The following VTCN1 variants were observed in gnomAD, a reference collection of about 807,000 sequenced individuals.
The protein encoded by VTCN1 is V-set domain containing T cell activation inhibitor 1, also known as V-set domain-containing T-cell activation inhibitor 1.
VTCN1 carries 26 observed loss-of-function variants against 26.5 expected under a neutral mutation model. The ratio of observed to expected loss-of-function variants is 0.98; its 90% CI spans 0.72 to 1.36. VTCN1 has a LOEUF of 1.36. VTCN1 is among the 40% of genes most tolerant of loss of function. The probability of loss-of-function intolerance (pLI) is 0.00; values close to 1 mark genes in which losing one functional copy is unlikely to be tolerated. For synonymous variants in VTCN1, 116 were observed against 130.7 expected, an observed-to-expected ratio of 0.89 and a Z score of 0.77; for missense variants, 298 against 337.7, an observed-to-expected ratio of 0.88 and a Z score of 0.92.
chr1:117,150,198 C>T (rs1483144144), intron 4 of VTCN1, among the ~76,000 whole-genome samples: 2 of 152,104 alleles, frequency 1.3e-5, no homozygotes, highest in Admixed American at 1.3e-4. Context: ...GGCAGCTGAC[C>T]CAAGTGGAGT....
intron 3 of VTCN1, 60 bp from the exon 4 acceptor site, chr1:117,153,429 C>A: frequency 1.3e-6 from 2 of 1,521,602 alleles, no homozygotes. Context: ...GACAATATAG[C>A]CTTTGAAGCG....
rs912601236 is a variant in VTCN1, at chr1:117,155,557, T to C, written c.445+1017A>G. ...TGCTTAAATTGTTCCAGCTTTGCCA[T>C]TGGAAGCTCTTTCAGTTGGCTCCAG... is the stretch of plus-strand genomic sequence containing the variant. On this transcript the variant is annotated intron_variant, in intron 3 of 5. Transcript: ENST00000369458. The surrounding 1 kb of genome is among the most constrained non-coding windows in gnomAD (Gnocchi z 4.8). Among the ~76,000 whole-genome samples the C allele has an allele frequency of 4.6e-5, 7 of 152,230 alleles. No individual in the cohort carries two copies. Among genetic ancestry groups the C allele is most frequent in the African/African-American group, 1.7e-4 (7 of 41,462 alleles).
chr1:117,196,594 C>CTT (rs1390119070), intron 1 of VTCN1, among the ~76,000 whole-genome samples: 1 of 144,378 alleles, frequency 6.9e-6, no homozygotes, highest in Non-Finnish European at 1.5e-5. Context: ...AAAACTCTGC[C>CTT]TTTTTTTTTT....
intron 1 of VTCN1, among the ~76,000 whole-genome samples, chr1:117,186,566 A>G (rs772522320): frequency 5.9e-5 from 9 of 152,338 alleles, no homozygotes; most frequent in Admixed American, 1.3e-4. Context: ...AAGTGAAATG[A>G]ACTAGTTATT....
intron 3 of VTCN1, 86 bp from the exon 4 acceptor site, chr1:117,153,455 G>T: frequency 1.5e-6 from 2 of 1,357,498 alleles, no homozygotes; most frequent in South Asian, 1.6e-5. Flanking sequence ...CCTTAAAAAT[G>T]CAGTCATTTT....
rs1293307111 is a variant in VTCN1 at position 117,153,197 on chromosome 1, C to A, written c.618G>T (p.Val206=). Residue 206 remains valine, a synonymous_variant, in exon 4 of 6, where the codon GTG becomes GTT. Coordinates refer to ENST00000369458, the MANE Select transcript of VTCN1 (RefSeq NM_024626.4). ...NTSFELNSEN[V]TMKVVSVLYN... Reference sequence around the variant, plus strand: ...AGAGCACAGACACAACCTTCATGGTCACATTCTCAGAGTTCAGCTCAAAGC... The same window carrying A: ...AGAGCACAGACACAACCTTCATGGTAACATTCTCAGAGTTCAGCTCAAAGC... 2 of 1,614,108 alleles carry A rather than the reference C, an allele frequency of 1.2e-6. No homozygotes were observed. The highest frequency in any genetic ancestry group is 1.7e-5 in the Admixed American group (1 of 60,016).
chr1:117,170,118 A>G lies in VTCN1; in HGVS notation c.86T>C (p.Phe29Ser). 6.2e-7 allele frequency: 1 copy of G among 1,613,856 alleles called. No homozygotes were observed. Among genetic ancestry groups the G allele is most frequent in the Middle Eastern group, 1.6e-4 (1 of 6,062 alleles). The change falls in exon 2 of 6, where the codon TTT becomes TCT. Residue 29 changes from phenylalanine to serine, a missense_variant. Transcript: ENST00000369458. ...LAGAIALIIGFGISGRHSITV... is the reference protein window; with the variant it reads ...LAGAIALIIGSGISGRHSITV... Reference sequence around the variant, plus strand: ...AAGAAATCACATACCTGAAATACCAAAGCCAATGATGAGTGCAATTGCTCC... The same window carrying G: ...AAGAAATCACATACCTGAAATACCAGAGCCAATGATGAGTGCAATTGCTCC...
In VTCN1 at chr1:117,147,063, C is replaced by T. The variant is rs79885980; in HGVS notation, c.*45+550G>A. On this transcript the variant is annotated intron_variant, in intron 5 of 5. Transcript: ENST00000369458. The surrounding 1 kb of genome is among the most constrained non-coding windows in gnomAD (Gnocchi z 4.6). ...ATGCCACTGAGTAATATGGGAGTAT[C>T]GACTGGAACTTCATGATCTCAGCTT... 0.055 allele frequency among the ~76,000 whole-genome samples: 8,290 copies of T among 152,104 alleles called. 274 individuals carry two copies. The highest frequency in any genetic ancestry group is 0.079 in the South Asian group (380 of 4,806).
intron 1 of VTCN1, among the ~76,000 whole-genome samples, chr1:117,182,879 C>A (rs1387141416): frequency 2.0e-5 from 3 of 152,128 alleles, no homozygotes; most frequent in Non-Finnish European, 4.4e-5. Context: ...TGTACCTACC[C>A]CACCTTTGGT....
At chr1:117,168,155 C>T (rs1652711717) in intron 2 of VTCN1, among the ~76,000 whole-genome samples, 1 of 151,722 alleles carries the variant, frequency 6.6e-6, no homozygotes, top group African/African-American at 2.4e-5. Flanking sequence ...ATTTCAGAAA[C>T]TTGGTTGAGA....
At chr1:117,202,983 A>G (rs1648862487) in intron 1 of VTCN1, among the ~76,000 whole-genome samples, 1 of 152,102 alleles carries the variant, frequency 6.6e-6, no homozygotes, top group Admixed American at 6.5e-5. Flanking sequence ...TGATGGGGAT[A>G]ATAGAGGTGC....
At chr1:117,198,768 C>T (rs934901939) in intron 1 of VTCN1, among the ~76,000 whole-genome samples, 1 of 152,184 alleles carries the variant, frequency 6.6e-6, no homozygotes. Flanking sequence ...TATTTAATAC[C>T]TGTCATTTGA....
chr1:117,205,037 C>T (rs535103500), intron 1 of VTCN1, among the ~76,000 whole-genome samples: 29 of 147,434 alleles, frequency 2.0e-4, no homozygotes, highest in African/African-American at 5.9e-4. Flanking sequence ...TATATATATA[C>T]GTGTCCTGTA....
intron 1 of VTCN1, among the ~76,000 whole-genome samples, chr1:117,174,325 T>A (rs536502244): frequency 6.6e-6 from 1 of 152,266 alleles, no homozygotes; most frequent in African/African-American, 2.4e-5. Flanking sequence ...ACTTACTATG[T>A]GAAAGACATA....
rs560690957 is a variant in VTCN1 at position 117,202,234 on chromosome 1, A to G, written c.32+8590T>C. Among the ~76,000 whole-genome samples the G allele has an allele frequency of 1.6e-4, 25 of 152,324 alleles. No homozygotes were observed. The South Asian group carries it at 5.0e-3, about 30-fold the overall frequency. ...ATCATCAAATATAGGAAATGGATGA[A>G]AGGGTTATGTCCTTGTACCTGACTA... On this transcript the variant is annotated intron_variant, in intron 1 of 5. Transcript: ENST00000369458.
Position 117,169,423 on chromosome 1 carries a change from G to A in VTCN1, c.97+684C>T, listed in dbSNP as rs6689385. ...TCTTTAACACTTCAGCTGAAGCTTC[G>A]TTGCAAAGAAATCATCTACCCAGGC... is the stretch of plus-strand genomic sequence containing the variant. On this transcript the variant is annotated intron_variant, in intron 2 of 5. Coordinates refer to ENST00000369458, the MANE Select transcript of VTCN1 (RefSeq NM_024626.4). This position sits in a 1 kb window ranked among gnomAD's most constrained non-coding sequence, Gnocchi z 4.0. Among the ~76,000 whole-genome samples, 8,486 of 152,226 alleles carry A rather than the reference G, an allele frequency of 0.056. 769 individuals are homozygous for A. Among genetic ancestry groups the A allele is most frequent in the African/African-American group, 0.19 (7,764 of 41,500 alleles).
rs774266140 is a variant in VTCN1 at position 117,156,982 on chromosome 1, C to T, written c.98-61G>A. On this transcript the variant is annotated intron_variant, in intron 2 of 5. Transcript: ENST00000369458. Reference sequence around the variant, plus strand: ...AGCCTTGGAACTTCTACAACCAAACCCTTCATTGCTGAAAGCCAGACAGAG... The same window carrying T: ...AGCCTTGGAACTTCTACAACCAAACTCTTCATTGCTGAAAGCCAGACAGAG... The T allele has an allele frequency of 2.7e-5, 43 of 1,611,136 alleles. No individual in the cohort carries two copies. In the South Asian group the frequency reaches 3.5e-4, roughly 13 times the overall value.
chr1:117,170,207 T>C, intron 1 of VTCN1, 36 bp from the exon 2 acceptor site: 2 of 1,595,978 alleles, frequency 1.3e-6, no homozygotes, highest in East Asian at 2.2e-5. Flanking sequence ...AAATTAGTTC[T>C]CCATTCCTCT....
At chr1:117,188,555 T>C (rs1009196969) in intron 1 of VTCN1, among the ~76,000 whole-genome samples, 1 of 152,210 alleles carries the variant, frequency 6.6e-6, no homozygotes, top group South Asian at 2.1e-4. Flanking sequence ...AATTATTCCT[T>C]TGATTATAAC....
Sources: gnomAD v4.1 joint callset for allele counts (sites outside exome capture counted in the v4.1 genomes callset) on GRCh38, gnomAD v4.1.1 for gene constraint, Gnocchi (gnomAD v3.1) non-coding constraint, MANE v1.5 for transcripts, NCBI Gene and HGNC (gene_info 2026-07-23, HGNC 2026-07-21) for gene names.